PCDHA2: variants seen among roughly 807,000 people sequenced by gnomAD.
PCDHA2 encodes the protein protocadherin alpha 2, also known as protocadherin alpha-2.
PCDHA2 carries 58 observed loss-of-function variants against 66.0 expected under a neutral mutation model. The observed-to-expected ratio is 0.88, with a 90% CI of 0.71 to 1.09. PCDHA2 has a LOEUF of 1.09. Ranked by LOEUF, PCDHA2 falls within the 50% of genes least tolerant of loss-of-function variation. The pLI, the probability that PCDHA2 is intolerant of heterozygous loss-of-function variation, is 0.00. For synonymous variants in PCDHA2, 634 were observed against 554.0 expected (o/e 1.14, Z -2.03); for missense variants, 1,267 against 1,242.3 (o/e 1.02, Z -0.30).
At chr5:140,937,748 T>C (rs192465220) in intron 1 of PCDHA2, among the ~76,000 whole-genome samples, 1 of 151,812 alleles carries the variant, frequency 6.6e-6, no homozygotes, top group Admixed American at 6.6e-5. Context: ...CCGTCTCTAC[T>C]AAAAATACAA....
chr5:140,869,434 G>A, intron 1 of PCDHA2: 1 of 1,614,218 alleles, frequency 6.2e-7, no homozygotes, highest in Non-Finnish European at 8.5e-7. Flanking sequence ...GGTGATCGTG[G>A]ACAGGCCGCT....
rs369541654 is a variant in PCDHA2 at position 141,010,673 on chromosome 5, A to G, written c.*736A>G. On this transcript the variant is annotated 3_prime_UTR_variant, in exon 4 of 4. Coordinates refer to ENST00000526136, the MANE Select transcript of PCDHA2 (RefSeq NM_018905.3). ...TTTTAACAGAGAACCACCCTGGGAAACAGAAGCAGATCTGATGTGTTTCCT... is the reference window on the plus strand; with the variant it reads ...TTTTAACAGAGAACCACCCTGGGAAGCAGAAGCAGATCTGATGTGTTTCCT... 8.1e-4 allele frequency: 133 copies of G among 163,824 alleles called. No individual in the cohort carries two copies. Among genetic ancestry groups the G allele is most frequent in the Non-Finnish European group, 5.5e-4 (41 of 74,388 alleles). 10.1% of individuals were successfully genotyped at this position (163,824 alleles called of 1,614,324 possible). A position where few individuals can be genotyped will look rare whatever the true frequency, so the allele number is the denominator to read the frequency against.
chr5:140,841,711 G>T (rs1385576183), intron 1 of PCDHA2: 3 of 1,613,772 alleles, frequency 1.9e-6, no homozygotes, highest in South Asian at 1.1e-5. Context: ...ATGACAACCC[G>T]CCAGTGTTCC....
chr5:140,906,327 A>G (rs1240461628), intron 1 of PCDHA2, among the ~76,000 whole-genome samples: 2 of 152,322 alleles, frequency 1.3e-5, no homozygotes, highest in African/African-American at 4.8e-5. Flanking sequence ...TGATACAACT[A>G]TCCTTCATAC....
chr5:140,917,449 C>T (rs1290889939), intron 1 of PCDHA2, among the ~76,000 whole-genome samples: 2 of 152,006 alleles, frequency 1.3e-5, no homozygotes, highest in Admixed American at 6.6e-5. Context: ...GCTGCAAGAG[C>T]GTTTGGCATC....
intron 1 of PCDHA2, chr5:140,967,880 A>G (rs782459653): frequency 4.3e-6 from 7 of 1,614,060 alleles, no homozygotes; most frequent in Non-Finnish European, 2.5e-6. Context: ...GGACCTGTAT[A>G]GCCCAGTGCC....
At position 140,998,569 on chromosome 5, in the gene PCDHA2, G is replaced by GTTT. The variant is rs71574497; in HGVS notation, c.2537-11048_2537-11046dup. ...TTAATGTCTAATTTATTGTAAATAA[G>GTTT]TTTTTTTTTTTTGAGACAGAGTTTT... On this transcript the variant is annotated intron_variant, in intron 3 of 3. Transcript: ENST00000526136. Among the ~76,000 whole-genome samples, 105 of 149,398 alleles carry GTTT rather than the reference G, an allele frequency of 7.0e-4. 1 individual carries two copies. Among genetic ancestry groups the GTTT allele is most frequent in the Middle Eastern group, 3.4e-3 (1 of 292 alleles).
chr5:140,802,817 G>C (rs1554122384), intron 1 of PCDHA2: 8 of 1,613,414 alleles, frequency 5.0e-6, no homozygotes, highest in Middle Eastern at 1.7e-4. Context: ...CGCGCGATGC[G>C]GGCGTGCCGC....
intron 1 of PCDHA2, among the ~76,000 whole-genome samples, chr5:140,826,585 A>ATAAATT (rs1196363952): frequency 6.6e-6 from 1 of 152,170 alleles, no homozygotes; most frequent in Non-Finnish European, 1.5e-5. Flanking sequence ...CTTCAAATGG[A>ATAAATT]TAACATTAAG....
rs183514123 is a variant in PCDHA2 at position 140,818,784 on chromosome 5, T to A, written c.2388+21432T>A. On this transcript the variant is annotated intron_variant, in intron 1 of 3. Transcript: ENST00000526136. ...GCCTGAGGCTGCAATGAACTTTGAC[T>A]GTACCACTGCACTCCAGCCTCGGTC... Among the ~76,000 whole-genome samples, 13 of 152,338 alleles carry A rather than the reference T, an allele frequency of 8.5e-5. No homozygotes were observed. The East Asian group carries it at 2.3e-3, about 27-fold the overall frequency.
chr5:140,807,312 G>A (rs1763888909), intron 1 of PCDHA2: 1 of 1,614,058 alleles, frequency 6.2e-7, no homozygotes, highest in Non-Finnish European at 8.5e-7. Flanking sequence ...GCCAAACACG[G>A]CACCTTCGTG....
At chr5:140,827,938 A>G (rs1554130936) in intron 1 of PCDHA2, 1 of 1,127,878 alleles carries the variant, frequency 8.9e-7, no homozygotes, top group African/African-American at 1.6e-5. Flanking sequence ...AGTTATAGCT[A>G]GCCAACATTC....
intron 1 of PCDHA2, chr5:140,804,407 T>A (rs1554123071): frequency 6.6e-6 from 1 of 152,034 alleles, no homozygotes; most frequent in African/African-American, 2.4e-5. Flanking sequence ...AGTTGTATAG[T>A]ATATTTATAT....
At chr5:140,856,890 G>T in intron 1 of PCDHA2, 2 of 1,596,172 alleles carry the variant, frequency 1.3e-6, no homozygotes, top group Non-Finnish European at 1.7e-6. Context: ...TATTCATTTA[G>T]CTCTTTGGTC....
At chr5:140,967,869 C>A in intron 1 of PCDHA2, 1 of 1,614,160 alleles carries the variant, frequency 6.2e-7, no homozygotes, top group South Asian at 1.1e-5. Flanking sequence ...GTGGTGCTCA[C>A]GGACCTGTAT....
At chr5:140,962,932 TC>T (rs1188109186) in intron 1 of PCDHA2, among the ~76,000 whole-genome samples, 20 of 152,266 alleles carry the variant, frequency 1.3e-4, no homozygotes, top group African/African-American at 4.3e-4. Flanking sequence ...CTTCTCAACC[TC>T]CTCTCCATAA....
intron 1 of PCDHA2, among the ~76,000 whole-genome samples, chr5:140,899,376 A>G (rs2153463773): frequency 6.6e-6 from 1 of 152,262 alleles, no homozygotes; most frequent in South Asian, 2.1e-4. Flanking sequence ...TCAATACCTA[A>G]TTTATTGAGA....
chr5:140,853,445 A>G, intron 1 of PCDHA2: 1 of 981,870 alleles, frequency 1.0e-6, no homozygotes, highest in Non-Finnish European at 1.2e-6. Flanking sequence ...ATTTTGCCTA[A>G]TAGGTCTCCT....
intron 1 of PCDHA2, chr5:140,835,737 G>A: frequency 6.2e-7 from 1 of 1,613,716 alleles, no homozygotes; most frequent in Non-Finnish European, 8.5e-7. Flanking sequence ...GAACGACAAC[G>A]CCCCGGCGTT....
Sources: allele counts gnomAD v4.1 joint callset (sites outside exome capture counted in the v4.1 genomes callset), GRCh38; gene constraint gnomAD v4.1.1; transcripts MANE v1.5; gene names NCBI Gene and HGNC (gene_info 2026-07-23, HGNC 2026-07-21).